VPS13A: variants seen among roughly 807,000 people sequenced by gnomAD.
VPS13A encodes the protein vacuolar protein sorting 13 homolog A.
A neutral mutation model predicts 390.9 loss-of-function variants in VPS13A; 264 were observed. That is an observed-to-expected ratio of 0.68 (90% CI 0.61 to 0.75). VPS13A has a LOEUF of 0.75. Ranked by LOEUF, VPS13A falls within the 30% of genes least tolerant of loss-of-function variation. The probability of loss-of-function intolerance (pLI) is 0.00; values close to 1 mark genes in which losing one functional copy is unlikely to be tolerated. For missense variants in VPS13A, 3,409 were observed against 3,733.9 expected, an observed-to-expected ratio of 0.91 and a Z score of 2.27; for synonymous variants, 1,231 against 1,227.1, an observed-to-expected ratio of 1.00 and a Z score of -0.07.
At chr9:77,213,381 T>G in intron 9 of VPS13A, 67 bp downstream of exon 9, 1 of 1,284,726 alleles carries the variant, frequency 7.8e-7, no homozygotes, top group South Asian at 1.2e-5. Flanking sequence ...TTCATTGTCA[T>G]TTATCTAATA....
intron 1 of VPS13A, among the ~76,000 whole-genome samples, chr9:77,180,698 C>T (rs1823959056): frequency 1.3e-5 from 2 of 152,182 alleles, no homozygotes; most frequent in Non-Finnish European, 2.9e-5. Context: ...GATCCTTTCT[C>T]TATTGAATTA....
At chr9:77,301,997 G>T (rs867572557) in intron 33 of VPS13A, among the ~76,000 whole-genome samples, 3 of 146,056 alleles carry the variant, frequency 2.1e-5, no homozygotes, top group Middle Eastern at 3.3e-3. Context: ...TACTCTTGTT[G>T]CCCAGGCTGG....
At chr9:77,240,659 C>G (rs1212085221) in intron 19 of VPS13A, among the ~76,000 whole-genome samples, 2 of 147,496 alleles carry the variant, frequency 1.4e-5, no homozygotes, top group Non-Finnish European at 3.0e-5. Flanking sequence ...TGTATTTTTA[C>G]TAGAGATGGG....
At chr9:77,371,298 T>G (rs1262178237) in intron 67 of VPS13A, 149 bp downstream of exon 67, 2 of 1,225,730 alleles carry the variant, frequency 1.6e-6, no homozygotes, top group Non-Finnish European at 2.3e-6. Context: ...GGGTAATTTA[T>G]AATGAACAGA....
At chr9:77,224,669 C>G (rs117160016) in intron 13 of VPS13A, among the ~76,000 whole-genome samples, 1 of 152,128 alleles carries the variant, frequency 6.6e-6, no homozygotes. Flanking sequence ...AAAGTGGTTT[C>G]TTGAGATGAA....
At chr9:77,297,062 C>A (rs940304314) in intron 33 of VPS13A, among the ~76,000 whole-genome samples, 3 of 151,822 alleles carry the variant, frequency 2.0e-5, no homozygotes, top group East Asian at 3.9e-4. Context: ...TTTTATTGAT[C>A]TTAAGCAGTT....
chr9:77,194,694 G>C (rs577104286), intron 1 of VPS13A, among the ~76,000 whole-genome samples: 2 of 152,290 alleles, frequency 1.3e-5, no homozygotes, highest in African/African-American at 4.8e-5. Flanking sequence ...CCTTTCCCCA[G>C]GAGCATTTGG....
chr9:77,260,373 T>TC, intron 23 of VPS13A, 149 bp downstream of exon 23: 1 of 753,636 alleles, frequency 1.3e-6, no homozygotes, highest in South Asian at 1.9e-5. Context: ...TTTTTTTTTT[T>TC]TGAGATGGAG....
chr9:77,385,757 C>T (rs1044244743), intron 68 of VPS13A, among the ~76,000 whole-genome samples: 4 of 152,038 alleles, frequency 2.6e-5, no homozygotes, highest in African/African-American at 9.6e-5. Flanking sequence ...ACAGCAGAAG[C>T]TCAGTATAAG....
At chr9:77,213,186 T>A (rs760999983) in intron 8 of VPS13A, 48 bp from the exon 9 acceptor site, 15 of 1,585,468 alleles carry the variant, frequency 9.5e-6, no homozygotes, top group Non-Finnish European at 6.9e-6. Flanking sequence ...TAGTGTATGA[T>A]AAAAATTCTT....
intron 34 of VPS13A, among the ~76,000 whole-genome samples, chr9:77,304,268 G>A (rs1291013262): frequency 6.6e-6 from 1 of 152,190 alleles, no homozygotes. Context: ...TACAACACAT[G>A]TTTTTGTGAG....
chr9:77,359,917 TTG>T (rs1347822773), intron 58 of VPS13A, among the ~76,000 whole-genome samples: 1 of 152,172 alleles, frequency 6.6e-6, no homozygotes, highest in Non-Finnish European at 1.5e-5. Flanking sequence ...GTACTTGTAT[TTG>T]TTTTTTGTTT....
Position 77,281,854 on chromosome 9 carries a change from T to C in VPS13A, c.2905-13T>C. 1.3e-6 allele frequency: 2 copies of C among 1,587,280 alleles called. No individual in the cohort carries two copies. The highest frequency in any genetic ancestry group is 1.7e-6 in the Non-Finnish European group (2 of 1,156,728). ...CTAACGTGTTCTAACAGATTTGTTT[T>C]CTCTTTGGATAGGCTGAAAAGAATG... On this transcript the variant is annotated splice_polypyrimidine_tract_variant and intron_variant, in intron 27 of 71. Transcript: ENST00000360280.
intron 1 of VPS13A, among the ~76,000 whole-genome samples, chr9:77,188,418 C>T (rs1217734016): frequency 2.6e-5 from 4 of 152,208 alleles, no homozygotes. Context: ...TCTCCAGTGG[C>T]ATCCATGTTG....
At position 77,416,302 on chromosome 9, in the gene VPS13A, A is replaced by T; in HGVS notation, c.*296A>T. The T allele has an allele frequency of 3.0e-6, 1 of 332,802 alleles. No homozygotes were observed. The highest frequency in any genetic ancestry group is 2.9e-5 in the South Asian group (1 of 35,020). 20.6% of individuals were successfully genotyped at this position (332,802 alleles called of 1,614,324 possible). On this transcript the variant is annotated 3_prime_UTR_variant, in exon 72 of 72. Transcript: ENST00000360280. Reference sequence around the variant, plus strand: ...AAAAGAAGACAAAATTATGAATCTTAAGTATTTGCTCCATCTTTTTCTCTG... The same window carrying T: ...AAAAGAAGACAAAATTATGAATCTTTAGTATTTGCTCCATCTTTTTCTCTG...
intron 69 of VPS13A, among the ~76,000 whole-genome samples, chr9:77,404,036 G>A (rs1834492848): frequency 6.6e-6 from 1 of 152,128 alleles, no homozygotes; most frequent in African/African-American, 2.4e-5. Context: ...CACTTTTAAT[G>A]TTGTAATCTC....
chr9:77,382,036 A>C lies in VPS13A; in HGVS notation c.9138A>C (p.Gly3046=). Residue 3046 remains glycine, a synonymous_variant, in exon 68 of 72, where the codon GGA becomes GGC. Coordinates refer to ENST00000360280, the MANE Select transcript of VPS13A (RefSeq NM_033305.3). ...LRPPRFFNED[G]VIRPYRLRDG... is the part of the protein sequence containing the mutation. ...CTCCTCGGTTCTTCAATGAAGATGGAGTTATCAGACCGTACAGGTTGAGGG... is the reference window on the plus strand; with the variant it reads ...CTCCTCGGTTCTTCAATGAAGATGGCGTTATCAGACCGTACAGGTTGAGGG... The C allele has an allele frequency of 6.2e-7, 1 of 1,608,938 alleles. No individual in the cohort carries two copies. The highest frequency in any genetic ancestry group is 8.5e-7 in the Non-Finnish European group (1 of 1,177,290).
intron 23 of VPS13A, 142 bp downstream of exon 23, chr9:77,260,366 T>TG: frequency 1.1e-6 from 1 of 945,580 alleles, no homozygotes; most frequent in East Asian, 3.0e-5. Flanking sequence ...TTTTTTTTTT[T>TG]TTTTTTTTGA....
At chr9:77,411,742 C>CT (rs1205706358) in intron 71 of VPS13A, among the ~76,000 whole-genome samples, 1 of 143,066 alleles carries the variant, frequency 7.0e-6, no homozygotes, top group African/African-American at 2.6e-5. Context: ...CAAGAAATGA[C>CT]TAAGATCAGA....
Sources: allele counts gnomAD v4.1 joint callset (sites outside exome capture counted in the v4.1 genomes callset), GRCh38; gene constraint gnomAD v4.1.1; transcripts MANE v1.5; gene names NCBI Gene and HGNC (gene_info 2026-07-23, HGNC 2026-07-21).